HPS1: variants seen among roughly 807,000 people sequenced by gnomAD.
HPS1 encodes the protein HPS1 biogenesis of lysosomal organelles complex 3 subunit 1.
A neutral mutation model predicts 90.6 loss-of-function variants in HPS1; 59 were observed. The observed-to-expected ratio is 0.65, with a 90% CI of 0.53 to 0.81. The LOEUF (loss-of-function observed/expected upper bound fraction) is 0.81, where lower values mean the gene tolerates loss of function less well. HPS1 is among the 30% of genes least tolerant of loss of function. The pLI is 0.00. For missense variants in HPS1, 849 were observed against 896.7 expected, an observed-to-expected ratio of 0.95 and a Z score of 0.68; for synonymous variants, 388 against 384.4, an observed-to-expected ratio of 1.01 and a Z score of -0.11.
intron 3 of HPS1, among the ~76,000 whole-genome samples, chr10:98,441,554 AC>A (rs1255215591): frequency 2.0e-5 from 3 of 152,246 alleles, no homozygotes; most frequent in Non-Finnish European, 4.4e-5. Flanking sequence ...TTTGAAAGAT[AC>A]CATTGAGAAT....
In HPS1 at chr10:98,425,417, C is replaced by T. The variant is rs114779127; in HGVS notation, c.1335+124G>A. 5.0e-3 allele frequency: 4,508 copies of T among 902,420 alleles called. 126 individuals are homozygous for T. The African/African-American group carries it at 0.061, about 12-fold the overall frequency. 55.9% of individuals were successfully genotyped at this position (902,420 alleles called of 1,614,324 possible). A position where few individuals can be genotyped will look rare whatever the true frequency, so the allele number is the denominator to read the frequency against. On this transcript the variant is annotated intron_variant, in intron 13 of 19. Transcript: ENST00000361490. ...ATAGGGAAAACAAGGATCGTAGGCC[C>T]GGGGGAGGTGGAGCCCGGACAGGAA...
At chr10:98,440,821 T>C (rs992278849) in intron 3 of HPS1, among the ~76,000 whole-genome samples, 4 of 152,064 alleles carry the variant, frequency 2.6e-5, no homozygotes, top group African/African-American at 9.7e-5. Context: ...AGGTTTTCAA[T>C]AAAGAGGAAG....
intron 10 of HPS1, chr10:98,429,277 A>T (rs1176590942): frequency 6.3e-6 from 8 of 1,266,858 alleles, no homozygotes; most frequent in Non-Finnish European, 8.1e-6. Context: ...CTTAATTTTT[A>T]ATTTTAATTA....
At chr10:98,423,115 G>A (rs1349170156) in intron 16 of HPS1, among the ~76,000 whole-genome samples, 3 of 152,162 alleles carry the variant, frequency 2.0e-5, no homozygotes, top group African/African-American at 4.8e-5. Flanking sequence ...ATCAGTATTC[G>A]ATAAAATTAG....
At chr10:98,429,925 T>A (rs1158767816) in intron 8 of HPS1, 36 bp from the exon 9 acceptor site, 1 of 1,576,250 alleles carries the variant, frequency 6.3e-7, no homozygotes, top group East Asian at 2.2e-5. Flanking sequence ...TTAGCTCCTA[T>A]CTGACCTGGC....
At chr10:98,423,970 C>A in intron 14 of HPS1, 83 bp from the exon 15 acceptor site, 1 of 1,556,302 alleles carries the variant, frequency 6.4e-7, no homozygotes, top group Non-Finnish European at 8.8e-7. Context: ...GTTCCTGCAC[C>A]CAGGACAGAC....
chr10:98,439,788 T>C (rs1034944225), intron 3 of HPS1, among the ~76,000 whole-genome samples: 2 of 152,194 alleles, frequency 1.3e-5, no homozygotes, highest in Non-Finnish European at 2.9e-5. Context: ...CAGAATGATA[T>C]GATTAGGCTT....
chr10:98,428,021 G>A (rs1473108626), intron 10 of HPS1, among the ~76,000 whole-genome samples: 2 of 152,138 alleles, frequency 1.3e-5, no homozygotes, highest in Non-Finnish European at 2.9e-5. Flanking sequence ...CAAGAGAGAG[G>A]GACTGGGAGG....
Position 98,424,328 on chromosome 10 carries a change from G to A in HPS1, c.1382C>T (p.Pro461Leu). ...FKAKAFSKSE[P>L]GSSWELLQAC... ...CACCACTCACTCCCAGGAGGATCCG[G>A]GCTCACTTTTGGAGAAAGCCTTGGC... is the stretch of plus-strand genomic sequence containing the variant. Residue 461 changes from proline to leucine, a missense_variant, in exon 14 of 20, where the codon CCC becomes CTC. Physicochemically the swap from Pro to Leu is moderately conservative, Grantham distance 98 (BLOSUM62 -3). Coordinates refer to ENST00000361490, the MANE Select transcript of HPS1 (RefSeq NM_000195.5). 9 of 1,612,794 alleles carry A rather than the reference G, an allele frequency of 5.6e-6. No individual in the cohort carries two copies. Among genetic ancestry groups the A allele is most frequent in the Non-Finnish European group, 7.6e-6 (9 of 1,179,498 alleles).
At chr10:98,427,008 C>T (rs945205552) in intron 11 of HPS1, among the ~76,000 whole-genome samples, 5 of 152,142 alleles carry the variant, frequency 3.3e-5, no homozygotes, top group African/African-American at 4.8e-5. Context: ...GGGGCAAGTT[C>T]GCCACCCCTC....
chr10:98,434,440 A>G (rs1437831587), intron 5 of HPS1, among the ~76,000 whole-genome samples: 1 of 149,134 alleles, frequency 6.7e-6, no homozygotes. Context: ...TCAGGGCCCT[A>G]CTCAGGGTCG....
Position 98,425,940 on chromosome 10 carries a change from G to T in HPS1, c.1033C>A (p.Pro345Thr). ...LQTLVPHCPV[P>T]SGPRRIFLDA... Reference sequence around the variant, plus strand: ...AGGAAGATCCTTCTGGGGCCGGAAGGCACAGGGCAGTGGGGAACCAGTGTT... The same window carrying T: ...AGGAAGATCCTTCTGGGGCCGGAAGTCACAGGGCAGTGGGGAACCAGTGTT... The change falls in exon 12 of 20, where the codon CCT (proline) becomes ACT (threonine). Residue 345 changes from proline to threonine, a missense_variant. Transcript: ENST00000361490. The T allele has an allele frequency of 1.2e-6, 2 of 1,614,150 alleles. No homozygotes were observed. The highest frequency in any genetic ancestry group is 1.7e-6 in the Non-Finnish European group (2 of 1,180,002).
chr10:98,422,010 A>ACACT (rs1554886694), intron 17 of HPS1, among the ~76,000 whole-genome samples: 4 of 148,160 alleles, frequency 2.7e-5, no homozygotes, highest in African/African-American at 9.8e-5. Context: ...ACACACACAC[A>ACACT]CACACGTATA....
At chr10:98,422,763 C>T (rs1845060465) in intron 16 of HPS1, among the ~76,000 whole-genome samples, 2 of 152,192 alleles carry the variant, frequency 1.3e-5, no homozygotes, top group South Asian at 4.1e-4. Flanking sequence ...TCTGGCCCTA[C>T]AGGAACATGG....
Position 98,430,848 on chromosome 10 carries a change from T to C in HPS1, c.669-178A>G, listed in dbSNP as rs190243067. 1.3e-3 allele frequency among the ~76,000 whole-genome samples: 199 copies of C among 152,168 alleles called. 1 individual carries two copies. Among genetic ancestry groups the C allele is most frequent in the African/African-American group, 4.6e-3 (189 of 41,498 alleles). ...AATTTCAAAATAAAACTTGGTTGTA[T>C]AGAACAAAGAAAAGAAAATGATTTA... On this transcript the variant is annotated intron_variant, in intron 7 of 19. Transcript: ENST00000361490.
In HPS1 at chr10:98,431,135, A is replaced by C; in HGVS notation, c.664T>G (p.Ser222Ala). The change falls in exon 7 of 20, where the codon TCT becomes GCT. Residue 222 changes from serine to alanine, a missense_variant. Transcript: ENST00000361490. Reference sequence around the variant, plus strand: ...CATGCCAGACCTTGAGCTCACCTAGAGTAGAATGCCAGCAGCTTGGAGTGC... The same window carrying C: ...CATGCCAGACCTTGAGCTCACCTAGCGTAGAATGCCAGCAGCTTGGAGTGC... The part of the protein sequence containing the change: ...LVHSKLLAFY[S>A]SHSASSLRPA... 1 of 1,614,114 alleles carries C rather than the reference A, an allele frequency of 6.2e-7. No homozygotes were observed. Among genetic ancestry groups the C allele is most frequent in the Non-Finnish European group, 8.5e-7 (1 of 1,179,998 alleles).
Position 98,429,817 on chromosome 10 carries a change from G to C in HPS1, c.841C>G (p.Pro281Ala). The C allele has an allele frequency of 6.2e-7, 1 of 1,613,758 alleles. No homozygotes were observed. The highest frequency in any genetic ancestry group is 8.5e-7 in the Non-Finnish European group (1 of 1,180,024). The change falls in exon 9 of 20, where the codon CCA becomes GCA. Residue 281 changes from proline to alanine, a missense_variant. By Grantham distance (27) the Pro-to-Ala change is conservative. Transcript: ENST00000361490. ...GTCTCTGCAGAGCTCCCCCCAGTTG[G>C]GCCCGTGGAGTGAGGGCTCCAGGCC... Reference protein sequence around the residue: ...QQAWSPHSTGPTGGSSAETET... With the variant: ...QQAWSPHSTGATGGSSAETET...
chr10:98,431,205 G>T lies in HPS1; in HGVS notation c.594C>A (p.Ser198Arg). Reference protein sequence around the residue: ...ERHVIQAVNTSPERGGEEALH... With the variant: ...ERHVIQAVNTRPERGGEEALH... The stretch of plus-strand genomic sequence containing the variant: ...GGGCCTCCTCGCCTCCCCGCTCGGG[G>T]CTGGTGTTGACAGCCTGGATGACGT... The change falls in exon 7 of 20, where the codon AGC (serine) becomes AGA (arginine). Residue 198 changes from serine (S) to arginine (R), a missense_variant. Coordinates refer to ENST00000361490, the MANE Select transcript of HPS1 (RefSeq NM_000195.5). The T allele has an allele frequency of 6.2e-7, 1 of 1,614,118 alleles. No individual in the cohort carries two copies. The highest frequency in any genetic ancestry group is 1.1e-5 in the South Asian group (1 of 91,086).
rs3830015 is a variant in HPS1 at position 98,417,301 on chromosome 10, G to T, written c.*263C>A. 96 of 410,100 alleles carry T rather than the reference G, an allele frequency of 2.3e-4. No individual in the cohort carries two copies. In the East Asian group the frequency reaches 4.1e-3, roughly 18 times the overall value. 25.4% of individuals were successfully genotyped at this position (410,100 alleles called of 1,614,324 possible). A position where few individuals can be genotyped will look rare whatever the true frequency, so the allele number is the denominator to read the frequency against. ...CAGGATAAAGGCAGAGGCAGCTCTG[G>T]AAGAGGAGCTGTTGCCACCGTTGTT... On this transcript the variant is annotated 3_prime_UTR_variant, in exon 20 of 20. Transcript: ENST00000361490. This position sits in a 1 kb window ranked among gnomAD's most constrained non-coding sequence, Gnocchi z 4.2.
Sources: gnomAD v4.1 joint callset for allele counts (sites outside exome capture counted in the v4.1 genomes callset) on GRCh38, gnomAD v4.1.1 for gene constraint, Gnocchi (gnomAD v3.1) non-coding constraint, MANE v1.5 for transcripts, NCBI Gene and HGNC (gene_info 2026-07-23, HGNC 2026-07-21) for gene names.